CTNNA2: variants seen among roughly 807,000 people sequenced by gnomAD.
The protein encoded by CTNNA2 is catenin alpha-2.
Under a neutral mutation model 101.0 loss-of-function variants are expected in CTNNA2, and 42 were observed. The observed-to-expected ratio is 0.42, with a 90% confidence interval of 0.32 to 0.54. The LOEUF is 0.54. CTNNA2 is among the 20% of genes least tolerant of loss of function. CTNNA2 has a pLI of 0.14. For missense variants in CTNNA2, 871 were observed against 1,223.1 expected (o/e 0.71, Z 4.29); for synonymous variants, 450 against 456.4 (o/e 0.99, Z 0.18).
chr2:79,572,411 T>C (rs143857099), intron 1 of CTNNA2, among the ~76,000 whole-genome samples: 55 of 152,302 alleles, frequency 3.6e-4, no homozygotes, highest in African/African-American at 1.3e-3. Flanking sequence ...GGGTTTTATT[T>C]CTGGCTCTGC....
intron 15 of CTNNA2, among the ~76,000 whole-genome samples, chr2:80,594,996 G>T (rs540433905): frequency 6.6e-6 from 1 of 152,158 alleles, no homozygotes; most frequent in South Asian, 2.1e-4. Flanking sequence ...GTTGCCTTGA[G>T]AGTCCATGTG....
At chr2:79,195,749 C>T (rs1284091213) in intron 1 of CTNNA2, 2 of 473,158 alleles carry the variant, frequency 4.2e-6, no homozygotes, top group East Asian at 1.2e-4. Context: ...TGTGTCATAT[C>T]ATCTGAAAAA....
intron 3 of CTNNA2, among the ~76,000 whole-genome samples, chr2:79,364,694 G>A (rs1677705970): frequency 6.6e-6 from 1 of 152,068 alleles, no homozygotes; most frequent in South Asian, 2.1e-4. Flanking sequence ...CTTCACTGAA[G>A]CCTAGAGAAG....
At chr2:80,444,417 G>A (rs1682892321) in intron 9 of CTNNA2, among the ~76,000 whole-genome samples, 1 of 152,292 alleles carries the variant, frequency 6.6e-6, no homozygotes, top group South Asian at 2.1e-4. Context: ...CTGAGGAAAG[G>A]TTGGAGAGAG....
intron 1 of CTNNA2, among the ~76,000 whole-genome samples, chr2:79,551,123 C>T (rs1674073487): frequency 6.6e-6 from 1 of 151,942 alleles, no homozygotes; most frequent in Non-Finnish European, 1.5e-5. Flanking sequence ...TGCTGCAAAC[C>T]AAAGAAAAAA....
chr2:80,200,820 C>A (rs1707153384), intron 7 of CTNNA2, among the ~76,000 whole-genome samples: 1 of 152,124 alleles, frequency 6.6e-6, no homozygotes, highest in South Asian at 2.1e-4. Flanking sequence ...AGGCATGAGC[C>A]ACCATGCCTG....
chr2:80,582,179 C>T (rs1210413963), intron 14 of CTNNA2, among the ~76,000 whole-genome samples: 1 of 152,138 alleles, frequency 6.6e-6, no homozygotes, highest in Non-Finnish European at 1.5e-5. Flanking sequence ...ATTGTTCTTC[C>T]TGAAGTCTCC....
chr2:80,192,232 A>G (rs1414715517), intron 7 of CTNNA2, among the ~76,000 whole-genome samples: 1 of 151,494 alleles, frequency 6.6e-6, no homozygotes, highest in Non-Finnish European at 1.5e-5. Flanking sequence ...ATGTTAAACA[A>G]CTATCAAATG....
rs114773794 is a variant in CTNNA2 at position 79,536,372 on chromosome 2, C to T, written c.-6+23165C>T. Among the ~76,000 whole-genome samples the T allele has an allele frequency of 7.9e-3, 1,200 of 152,248 alleles. 6 individuals carry two copies. The highest frequency in any genetic ancestry group is 0.027 in the African/African-American group (1,134 of 41,540). Reference sequence around the variant, plus strand: ...GTATAGGCACATTCAGGTTAATTCTCCAGTTGGCCATCCTAGCTAATAGTG... The same window carrying T: ...GTATAGGCACATTCAGGTTAATTCTTCAGTTGGCCATCCTAGCTAATAGTG... On this transcript the variant is annotated intron_variant, in intron 1 of 18. Coordinates refer to ENST00000402739, the MANE Select transcript of CTNNA2 (RefSeq NM_001282597.3).
intron 9 of CTNNA2, among the ~76,000 whole-genome samples, chr2:80,447,082 A>G (rs895245912): frequency 6.6e-6 from 1 of 152,166 alleles, no homozygotes; most frequent in Non-Finnish European, 1.5e-5. Flanking sequence ...AATAGGTAGA[A>G]CTTAAGTGTT....
intron 15 of CTNNA2, among the ~76,000 whole-genome samples, chr2:80,598,386 G>C (rs1697171920): frequency 6.6e-6 from 1 of 151,932 alleles, no homozygotes; most frequent in African/African-American, 2.4e-5. Context: ...AGGTTGATAG[G>C]TGCTGCAAAC....
intron 1 of CTNNA2, among the ~76,000 whole-genome samples, chr2:79,192,951 C>G (rs1245990114): frequency 1.3e-5 from 2 of 152,024 alleles, no homozygotes; most frequent in Non-Finnish European, 2.9e-5. Flanking sequence ...TTACTCCTAC[C>G]CAATCACATT....
At chr2:79,265,843 GA>G (rs1674980210) in intron 2 of CTNNA2, among the ~76,000 whole-genome samples, 1 of 152,212 alleles carries the variant, frequency 6.6e-6, no homozygotes, top group East Asian at 1.9e-4. Flanking sequence ...GATTCTTGCA[GA>G]AAAAAATAAT....
chr2:80,081,785 T>TTC (rs59390333), intron 7 of CTNNA2, among the ~76,000 whole-genome samples: 2,140 of 150,402 alleles, frequency 0.014, 26 homozygotes, highest in Non-Finnish European at 0.02. Context: ...GTGTCTGTGT[T>TTC]TCTCTCTCTC....
At chr2:79,291,707 T>G (rs1048182620) in intron 2 of CTNNA2, among the ~76,000 whole-genome samples, 2 of 152,252 alleles carry the variant, frequency 1.3e-5, no homozygotes, top group African/African-American at 4.8e-5. Flanking sequence ...AAAGATTTAC[T>G]AATTTATCAA....
At chr2:79,985,867 A>G (rs951315406) in intron 7 of CTNNA2, among the ~76,000 whole-genome samples, 27 of 152,130 alleles carry the variant, frequency 1.8e-4, no homozygotes, top group African/African-American at 6.5e-4. Flanking sequence ...GGCAAGTGCA[A>G]ATAGATGCCT....
At chr2:79,634,396 A>G (rs1489722888) in intron 1 of CTNNA2, 1 of 152,158 alleles carries the variant, frequency 6.6e-6, no homozygotes, top group Non-Finnish European at 1.5e-5. Context: ...ATCCTGTACT[A>G]TTTTGTGGAT....
chr2:79,324,346 G>A (rs1676693920), intron 3 of CTNNA2, among the ~76,000 whole-genome samples: 2 of 152,072 alleles, frequency 1.3e-5, no homozygotes, highest in African/African-American at 2.4e-5. Flanking sequence ...AATTTCTGGG[G>A]CATAAGTGCT....
intron 7 of CTNNA2, among the ~76,000 whole-genome samples, chr2:80,232,375 TTTTTTTTTTTTTTGTTA>T (rs1558926548): frequency 2.5e-5 from 2 of 81,080 alleles, no homozygotes; most frequent in African/African-American, 7.0e-5. Flanking sequence ...TTTTTTTTTT[TTTTTTTTTTTTTTGTTA>T]ACACTAGTTT....
Sources: gnomAD v4.1 joint callset for allele counts (sites outside exome capture counted in the v4.1 genomes callset) on GRCh38, gnomAD v4.1.1 for gene constraint, MANE v1.5 for transcripts, NCBI Gene and HGNC (gene_info 2026-07-23, HGNC 2026-07-21) for gene names.